WWOX: variants seen among roughly 807,000 people sequenced by gnomAD.
WWOX encodes WW domain-containing oxidoreductase.
A neutral mutation model predicts 46.2 loss-of-function variants in WWOX; 69 were observed. That is an observed-to-expected ratio of 1.49 (90% CI 1.23 to 1.82). The LOEUF (loss-of-function observed/expected upper bound fraction) is 1.82. Among genes scored for constraint, WWOX ranks in the 40% most tolerant of loss-of-function variants. WWOX has a pLI of 0.00. For missense variants in WWOX, 919 were observed against 542.6 expected (o/e 1.69, Z -6.89); for synonymous variants, 359 against 202.6 (o/e 1.77, Z -6.56).
At chr16:78,446,597 T>C (rs1009319259) in intron 8 of WWOX, among the ~76,000 whole-genome samples, 1 of 151,684 alleles carries the variant, frequency 6.6e-6, no homozygotes, top group African/African-American at 2.4e-5. Flanking sequence ...CTTATAAAAA[T>C]TACTTATGAT....
intron 8 of WWOX, among the ~76,000 whole-genome samples, chr16:78,743,298 C>G (rs192109700): frequency 6.6e-6 from 1 of 152,238 alleles, no homozygotes; most frequent in East Asian, 1.9e-4. Context: ...CCAGTATTCC[C>G]TCATTTGCCA....
At chr16:78,588,661 C>G (rs984402901) in intron 8 of WWOX, among the ~76,000 whole-genome samples, 1 of 152,208 alleles carries the variant, frequency 6.6e-6, no homozygotes, top group South Asian at 2.1e-4. Context: ...GTTGAGTGTT[C>G]TTTCCTGCTG....
rs564804955 is a variant in WWOX at position 78,209,399 on chromosome 16, G to A, written c.516+45110G>A. ...CTCAAGCCAACTGTCAGAAATGCAT[G>A]TCAGAGCTACACAATTCTATCCAAG... On this transcript the variant is annotated intron_variant, in intron 5 of 8. Transcript: ENST00000566780. Among the ~76,000 whole-genome samples, 8 of 152,306 alleles carry A rather than the reference G, an allele frequency of 5.3e-5. No individual in the cohort carries two copies. The South Asian group carries it at 1.5e-3, about 28-fold the overall frequency.
At chr16:78,294,800 A>C (rs1280438996) in intron 5 of WWOX, among the ~76,000 whole-genome samples, 1 of 152,172 alleles carries the variant, frequency 6.6e-6, no homozygotes, top group East Asian at 1.9e-4. Context: ...GAAGGAGGGA[A>C]GAAGAGAGTT....
chr16:79,130,742 C>T (rs139009182), intron 8 of WWOX, among the ~76,000 whole-genome samples: 7 of 152,310 alleles, frequency 4.6e-5, no homozygotes, highest in South Asian at 4.1e-4. Context: ...GACTTGTAAT[C>T]GCCACAATGT....
intron 3 of WWOX, among the ~76,000 whole-genome samples, chr16:78,111,632 G>C (rs553959348): frequency 8.1e-4 from 123 of 152,214 alleles, no homozygotes; most frequent in Middle Eastern, 3.4e-3. Flanking sequence ...TGGAAGGCTG[G>C]GTATTATCCA....
intron 8 of WWOX, among the ~76,000 whole-genome samples, chr16:78,974,605 G>C (rs1463605902): frequency 2.0e-5 from 3 of 152,100 alleles, no homozygotes. Context: ...TTTTTATTTA[G>C]CACAAACCTA....
intron 5 of WWOX, among the ~76,000 whole-genome samples, chr16:78,287,065 A>C (rs183083455): frequency 6.6e-6 from 1 of 152,216 alleles, no homozygotes; most frequent in Non-Finnish European, 1.5e-5. Context: ...ATTTGGTAAT[A>C]CAACGGGACA....
chr16:78,279,593 A>G (rs999020566), intron 5 of WWOX, among the ~76,000 whole-genome samples: 2 of 152,292 alleles, frequency 1.3e-5, no homozygotes, highest in East Asian at 3.9e-4. Flanking sequence ...TCATTCCCTA[A>G]AGAAAATGCC....
chr16:78,754,047 C>T (rs1021512567), intron 8 of WWOX, among the ~76,000 whole-genome samples: 3 of 151,410 alleles, frequency 2.0e-5, no homozygotes, highest in African/African-American at 7.3e-5. Context: ...TGTAATTACT[C>T]TCATAATTTT....
chr16:78,547,680 G>A (rs768393445), intron 8 of WWOX, among the ~76,000 whole-genome samples: 3 of 152,102 alleles, frequency 2.0e-5, no homozygotes. Flanking sequence ...TTTGGCAACG[G>A]CCCACTTTCT....
chr16:78,835,867 T>G (rs2051967471), intron 8 of WWOX, among the ~76,000 whole-genome samples: 1 of 152,106 alleles, frequency 6.6e-6, no homozygotes, highest in African/African-American at 2.4e-5. Flanking sequence ...AACATATTTA[T>G]TTTTTTGTTT....
chr16:78,898,049 T>G (rs1054173307), intron 8 of WWOX: 1 of 152,096 alleles, frequency 6.6e-6, no homozygotes, highest in African/African-American at 2.4e-5. Flanking sequence ...TCTATATATA[T>G]TTTGGATACA....
At chr16:78,387,843 G>A (rs138782221) in intron 6 of WWOX, among the ~76,000 whole-genome samples, 24 of 152,146 alleles carry the variant, frequency 1.6e-4, no homozygotes, top group South Asian at 6.2e-4. Flanking sequence ...CAGGTTGTGC[G>A]AAGGATAAGA....
chr16:78,795,292 A>T (rs746939613), intron 8 of WWOX, among the ~76,000 whole-genome samples: 6 of 152,170 alleles, frequency 3.9e-5, no homozygotes, highest in Non-Finnish European at 8.8e-5. Context: ...TTTACTCAGG[A>T]TTTTAAGTAG....
intron 5 of WWOX, among the ~76,000 whole-genome samples, chr16:78,186,444 T>A (rs532911012): frequency 6.6e-6 from 1 of 152,322 alleles, no homozygotes; most frequent in South Asian, 2.1e-4. Flanking sequence ...TGTTGGAATT[T>A]TATTCTTTAC....
intron 8 of WWOX, among the ~76,000 whole-genome samples, chr16:79,056,364 A>C (rs767055654): frequency 6.6e-6 from 1 of 152,226 alleles, no homozygotes; most frequent in Non-Finnish European, 1.5e-5. Context: ...TAATACATGG[A>C]GGAGTTACCT....
chr16:78,527,991 C>CTGTTTTTTT (rs2043519038), intron 8 of WWOX, among the ~76,000 whole-genome samples: 1 of 34,880 alleles, frequency 2.9e-5, no homozygotes, highest in Non-Finnish European at 5.3e-5. Flanking sequence ...GGTACATGTC[C>CTGTTTTTTT]TTTTTTTTTT....
At chr16:78,578,254 T>TATATATATATATATATATTTATATA (rs2044941404) in intron 8 of WWOX, among the ~76,000 whole-genome samples, 1 of 31,630 alleles carries the variant, frequency 3.2e-5, no homozygotes, top group African/African-American at 9.7e-5. Flanking sequence ...ATACCAAATT[T>TATATATATATATATATATTTATATA]TATATATATA....
Sources: gnomAD v4.1 joint callset for allele counts (sites outside exome capture counted in the v4.1 genomes callset) on GRCh38, gnomAD v4.1.1 for gene constraint, MANE v1.5 for transcripts, NCBI Gene and HGNC (gene_info 2026-07-23, HGNC 2026-07-21) for gene names.